The following EYS variants were observed in gnomAD, a reference collection of about 807,000 sequenced individuals.
The protein encoded by EYS is protein eyes shut homolog.
A neutral mutation model predicts 282.1 loss-of-function variants in EYS; 250 were observed. The observed-to-expected ratio is 0.89, with a 90% confidence interval of 0.80 to 0.98. The LOEUF (loss-of-function observed/expected upper bound fraction) is 0.98, where lower values mean the gene tolerates loss of function less well. EYS is among the 50% of genes least tolerant of loss of function. EYS has a pLI of 0.00. For missense variants in EYS, 4,016 were observed against 3,709.0 expected (o/e 1.08, Z -2.15); for synonymous variants, 1,355 against 1,282.9 (o/e 1.06, Z -1.20).
chr6:64,667,824 G>A (rs1017852871), intron 22 of EYS, among the ~76,000 whole-genome samples: 2 of 152,090 alleles, frequency 1.3e-5, no homozygotes, highest in African/African-American at 4.8e-5. Flanking sequence ...AATAAAAAAT[G>A]CTCTACAAGC....
rs1046912440 is a variant in EYS, at chr6:63,833,900, A to G, written c.7229-27528T>C. ...GAACAGAACAGAGCCCTCGGAAATA[A>G]TACCACACGTCCACAACCATCTGAT... On this transcript the variant is annotated intron_variant, in intron 36 of 42. Coordinates refer to ENST00000503581, the MANE Select transcript of EYS (RefSeq NM_001142800.2). Among the ~76,000 whole-genome samples, 40 of 152,346 alleles carry G rather than the reference A, an allele frequency of 2.6e-4. No homozygotes were observed. The Middle Eastern group carries it at 0.01, about 39-fold the overall frequency.
chr6:65,455,637 A>T (rs1287670680), intron 5 of EYS, among the ~76,000 whole-genome samples: 1 of 152,134 alleles, frequency 6.6e-6, no homozygotes, highest in Admixed American at 6.6e-5. Flanking sequence ...ATGCCAACAA[A>T]TTAGATAACA....
At chr6:65,214,653 G>A (rs12526101) in intron 12 of EYS, among the ~76,000 whole-genome samples, 2,887 of 152,238 alleles carry the variant, frequency 0.019, 169 homozygotes, top group East Asian at 0.14. Flanking sequence ...AATGTTCAAC[G>A]TAGACAAAAA....
At chr6:64,799,246 C>A (rs1388987632) in intron 22 of EYS, among the ~76,000 whole-genome samples, 2 of 151,804 alleles carry the variant, frequency 1.3e-5, no homozygotes, top group Non-Finnish European at 2.9e-5. Context: ...CAAATCTCAT[C>A]TTTCTTTACT....
Position 65,331,528 on chromosome 6 carries a change from T to G in EYS, c.1766+3452A>C, listed in dbSNP as rs554748941. 254 of 961,546 alleles carry G rather than the reference T, an allele frequency of 2.6e-4. 1 individual carries two copies. Among genetic ancestry groups the G allele is most frequent in the Non-Finnish European group, 2.5e-4 (204 of 808,542 alleles). 59.6% of individuals were successfully genotyped at this position (961,546 alleles called of 1,614,324 possible). On this transcript the variant is annotated intron_variant, in intron 11 of 42. Coordinates refer to ENST00000503581, the MANE Select transcript of EYS (RefSeq NM_001142800.2). ...ATTTGTTGGGCTCCATTGTTAGTAT[T>G]AATTATGAGACAATATCAAGAACTC...
At chr6:64,905,327 AG>A (rs1340735884) in intron 16 of EYS, among the ~76,000 whole-genome samples, 1 of 152,236 alleles carries the variant, frequency 6.6e-6, no homozygotes, top group Non-Finnish European at 1.5e-5. Context: ...ATGAAGTTAC[AG>A]GTAAGAAACT....
intron 33 of EYS, among the ~76,000 whole-genome samples, chr6:64,014,626 A>C (rs1768800432): frequency 6.6e-6 from 1 of 152,126 alleles, no homozygotes; most frequent in Non-Finnish European, 1.5e-5. Flanking sequence ...CTCTGAGCCA[A>C]AGTTGTAAAT....
chr6:64,198,954 G>A (rs892399198), intron 31 of EYS, among the ~76,000 whole-genome samples: 3 of 152,156 alleles, frequency 2.0e-5, no homozygotes, highest in African/African-American at 7.2e-5. Flanking sequence ...CAGTGTAAAA[G>A]CGTTCCTATT....
At chr6:63,892,625 C>A (rs1773437659) in intron 35 of EYS, among the ~76,000 whole-genome samples, 1 of 152,046 alleles carries the variant, frequency 6.6e-6, no homozygotes, top group Non-Finnish European at 1.5e-5. Context: ...ACCATGAAAA[C>A]CCTAGAAGAA....
chr6:64,838,652 G>C (rs947452176), intron 19 of EYS, among the ~76,000 whole-genome samples: 1 of 133,602 alleles, frequency 7.5e-6, no homozygotes, highest in African/African-American at 2.9e-5. Flanking sequence ...ACGCATGCAC[G>C]CACACACAGA....
intron 12 of EYS, among the ~76,000 whole-genome samples, chr6:65,153,150 T>C (rs1371876364): frequency 1.3e-5 from 2 of 151,872 alleles, no homozygotes; most frequent in Non-Finnish European, 2.9e-5. Flanking sequence ...TCTGCTGGCA[T>C]TGAAAATGCA....
chr6:65,189,374 T>C (rs942765602), intron 12 of EYS, among the ~76,000 whole-genome samples: 4 of 151,718 alleles, frequency 2.6e-5, no homozygotes, highest in African/African-American at 9.7e-5. Context: ...TTACGTGTCA[T>C]ATCCTCCTGT....
At chr6:64,629,264 T>C (rs1348689035) in intron 22 of EYS, among the ~76,000 whole-genome samples, 1 of 152,158 alleles carries the variant, frequency 6.6e-6, no homozygotes, top group Non-Finnish European at 1.5e-5. Flanking sequence ...TAGAAAAGGC[T>C]CTCATCACAT....
chr6:64,659,753 C>T (rs1768920379), intron 22 of EYS, among the ~76,000 whole-genome samples: 2 of 152,128 alleles, frequency 1.3e-5, no homozygotes, highest in East Asian at 3.9e-4. Context: ...AAGAGCTTAC[C>T]AACCAAAAAA....
At chr6:64,500,268 CTT>C (rs1478184484) in intron 26 of EYS, among the ~76,000 whole-genome samples, 2 of 151,984 alleles carry the variant, frequency 1.3e-5, no homozygotes, top group African/African-American at 2.4e-5. Flanking sequence ...CATCCATTCT[CTT>C]GTTTTACTTA....
At chr6:65,492,294 TAAGAAAGAGA>T (rs1011784193) in intron 4 of EYS, among the ~76,000 whole-genome samples, 3 of 145,852 alleles carry the variant, frequency 2.1e-5, no homozygotes, top group Non-Finnish European at 4.5e-5. Context: ...CCTATGGCTG[TAAGAAAGAGA>T]AAGAGAGAGA....
intron 19 of EYS, among the ~76,000 whole-genome samples, chr6:64,840,166 A>G (rs537406931): frequency 2.7e-4 from 41 of 152,114 alleles, no homozygotes; most frequent in Non-Finnish European, 4.7e-4. Flanking sequence ...GCTACAACAC[A>G]TCCGTAAAGC....
At chr6:65,295,035 A>G (rs917124350) in intron 12 of EYS, among the ~76,000 whole-genome samples, 5 of 151,878 alleles carry the variant, frequency 3.3e-5, no homozygotes, top group Non-Finnish European at 7.4e-5. Flanking sequence ...AACCTTCAAC[A>G]TATTACTTTA....
chr6:64,351,789 T>C lies in EYS; in HGVS notation c.6078+36901A>G, dbSNP rs533552856. Among the ~76,000 whole-genome samples the C allele has an allele frequency of 7.3e-5, 11 of 151,664 alleles. No homozygotes were observed. The South Asian group carries it at 1.7e-3, about 23-fold the overall frequency. ...CAGTCATTAAAGGTGTTATTTTTATTACCACACTCTATTAAAATGGGCATA... is the reference window on the plus strand; with the variant it reads ...CAGTCATTAAAGGTGTTATTTTTATCACCACACTCTATTAAAATGGGCATA... On this transcript the variant is annotated intron_variant, in intron 29 of 42. Coordinates refer to ENST00000503581, the MANE Select transcript of EYS (RefSeq NM_001142800.2).
Sources: allele counts gnomAD v4.1 joint callset (sites outside exome capture counted in the v4.1 genomes callset), GRCh38; gene constraint gnomAD v4.1.1; transcripts MANE v1.5; gene names NCBI Gene and HGNC (gene_info 2026-07-23, HGNC 2026-07-21).